Variants in HHIP observed in about 807,000 individuals in gnomAD.
HHIP encodes hedgehog-interacting protein.
A neutral mutation model predicts 74.0 loss-of-function variants in HHIP; 12 were observed. The ratio of observed to expected loss-of-function variants is 0.16; its 90% confidence interval spans 0.10 to 0.26. The LOEUF (loss-of-function observed/expected upper bound fraction) is 0.26, where lower values mean the gene tolerates loss of function less well. HHIP is among the 10% of genes least tolerant of loss of function. The pLI, the probability that HHIP is intolerant of heterozygous loss-of-function variation, is 1.00. For missense variants in HHIP, 788 were observed against 845.0 expected, an observed-to-expected ratio of 0.93 and a Z score of 0.84; for synonymous variants, 309 against 311.6, an observed-to-expected ratio of 0.99 and a Z score of 0.09.
intron 4 of HHIP, among the ~76,000 whole-genome samples, chr4:144,703,430 T>A (rs1246084037): frequency 1.3e-5 from 2 of 152,124 alleles, no homozygotes; most frequent in Non-Finnish European, 1.5e-5. Flanking sequence ...AAGGAGTGTA[T>A]GATTTTGATT....
chr4:144,732,208 G>A (rs1730980214), intron 11 of HHIP, among the ~76,000 whole-genome samples: 1 of 152,182 alleles, frequency 6.6e-6, no homozygotes, highest in Non-Finnish European at 1.5e-5. Context: ...TTAAAAGAGA[G>A]AGGATTGATT....
intron 10 of HHIP, among the ~76,000 whole-genome samples, chr4:144,717,372 G>A (rs1039525446): frequency 6.6e-6 from 1 of 151,954 alleles, no homozygotes; most frequent in Non-Finnish European, 1.5e-5. Flanking sequence ...ACATTGCTTT[G>A]TACTTTCATT....
Position 144,652,725 on chromosome 4 carries a change from G to T in HHIP, c.400G>T (p.Asp134Tyr), listed in dbSNP as rs773363775. 6.2e-7 allele frequency: 1 copy of T among 1,612,942 alleles called. No homozygotes were observed. The highest frequency in any genetic ancestry group is 1.1e-5 in the South Asian group (1 of 90,980). ...HSPEREVLER[D>Y]LVLPLLCKDY... is the part of the protein sequence containing the mutation. ...ACCTGAGAGAGAAGTCTTGGAAAGA[G>T]ACCTAGTACTTCCTCTGCTCTGCAA... The change falls in exon 2 of 13, where the codon GAC (aspartate) becomes TAC (tyrosine). Residue 134 changes from aspartate (D) to tyrosine (Y), a missense_variant. Coordinates refer to ENST00000296575, the MANE Select transcript of HHIP (RefSeq NM_022475.3).
chr4:144,707,334 A>G (rs1730174903), intron 6 of HHIP, 74 bp downstream of exon 6: 1 of 1,274,160 alleles, frequency 7.8e-7, no homozygotes, highest in Non-Finnish European at 1.1e-6. Flanking sequence ...GGTGGGCACC[A>G]GTGAATTAAG....
chr4:144,651,689 T>C (rs373718953), intron 1 of HHIP, among the ~76,000 whole-genome samples: 1 of 152,054 alleles, frequency 6.6e-6, no homozygotes, highest in South Asian at 2.1e-4. Flanking sequence ...ATTGTGTTGA[T>C]ATTGCCTTCT....
intron 1 of HHIP, among the ~76,000 whole-genome samples, chr4:144,647,642 G>T (rs1728304171): frequency 1.3e-5 from 2 of 152,332 alleles, no homozygotes; most frequent in South Asian, 4.1e-4. Flanking sequence ...TCTACTCTAA[G>T]AATTTGTTTT....
At chr4:144,716,789 C>T (rs1252559989) in intron 10 of HHIP, among the ~76,000 whole-genome samples, 1 of 123,700 alleles carries the variant, frequency 8.1e-6, no homozygotes. Context: ...GCGGAGGTTG[C>T]AGTGAGCCAA....
Position 144,741,284 on chromosome 4 carries a change from C to T in HHIP, c.*3327C>T, listed in dbSNP as rs1273898761. On this transcript the variant is annotated 3_prime_UTR_variant, in exon 13 of 13. Coordinates refer to ENST00000296575, the MANE Select transcript of HHIP (RefSeq NM_022475.3). The stretch of plus-strand genomic sequence containing the variant: ...TATTTTCTTTGTCATTTGCATGCCC[C>T]AGAGAAGTTACTTCTTCCCTATTTA... The T allele has an allele frequency of 6.6e-6, 1 of 150,750 alleles. No homozygotes were observed. Among genetic ancestry groups the T allele is most frequent in the Non-Finnish European group, 1.5e-5 (1 of 67,850 alleles). The allele number at this position is 150,750 out of a possible 1,614,324, so 9.3% of individuals were successfully genotyped here. A position where few individuals can be genotyped will look rare whatever the true frequency, so the allele number is the denominator to read the frequency against.
intron 1 of HHIP, among the ~76,000 whole-genome samples, chr4:144,649,097 T>C (rs538237498): frequency 6.6e-6 from 1 of 152,332 alleles, no homozygotes; most frequent in African/African-American, 2.4e-5. Context: ...TTAAAACATG[T>C]TATTTTATAA....
In HHIP at chr4:144,734,839, C is replaced by T. The variant is rs888830494; in HGVS notation, c.1859C>T (p.Thr620Met). The change falls in exon 12 of 13, where the codon ACG (threonine) becomes ATG (methionine). Residue 620 changes from threonine to methionine, a missense_variant. By Grantham distance (81) the Thr-to-Met change is moderately conservative. Transcript: ENST00000296575. ...TGTCGAAACGGCTACTGCACCCCCA[C>T]GGGAAAGTGCTGCTGCAGTCCAGGC... ...RLCRNGYCTP[T>M]GKCCCSPGWE... 4 of 1,613,056 alleles carry T rather than the reference C, an allele frequency of 2.5e-6. No individual in the cohort carries two copies. The highest frequency in any genetic ancestry group is 2.7e-5 in the African/African-American group (2 of 75,018).
chr4:144,662,110 T>C (rs767661281), intron 4 of HHIP, among the ~76,000 whole-genome samples: 9 of 152,232 alleles, frequency 5.9e-5, no homozygotes, highest in Non-Finnish European at 1.3e-4. Context: ...TAAGAGTTTC[T>C]AAAATCTATT....
chr4:144,653,072 A>G (rs1011476816), intron 2 of HHIP, among the ~76,000 whole-genome samples: 3 of 152,090 alleles, frequency 2.0e-5, no homozygotes, highest in Non-Finnish European at 4.4e-5. Flanking sequence ...ACAGGTGGTA[A>G]TCTTTACACA....
chr4:144,707,281 G>C, intron 6 of HHIP, 21 bp downstream of exon 6: 1 of 1,565,128 alleles, frequency 6.4e-7, no homozygotes, highest in Non-Finnish European at 8.6e-7. Context: ...GATCACAGAT[G>C]GGTTCCTCTC....
intron 4 of HHIP, among the ~76,000 whole-genome samples, chr4:144,694,706 GA>G (rs1207130189): frequency 4.0e-5 from 6 of 150,010 alleles, no homozygotes; most frequent in Admixed American, 1.3e-4. Flanking sequence ...CCTGACAGGA[GA>G]AAAAAAAATT....
intron 4 of HHIP, among the ~76,000 whole-genome samples, chr4:144,690,179 G>A (rs1729607044): frequency 6.6e-6 from 1 of 152,130 alleles, no homozygotes; most frequent in African/African-American, 2.4e-5. Flanking sequence ...TGAAATTGAG[G>A]TATAGGTCTT....
Position 144,738,240 on chromosome 4 carries a change from T to C in HHIP, c.*283T>C, listed in dbSNP as rs780188142. On this transcript the variant is annotated 3_prime_UTR_variant, in exon 13 of 13. Transcript: ENST00000296575. Reference sequence around the variant, plus strand: ...CAAAGTAATTTACACAGAAATTCCATTGTAAATTGATAATGGATTTTTTAT... The same window carrying C: ...CAAAGTAATTTACACAGAAATTCCACTGTAAATTGATAATGGATTTTTTAT... 1.4e-5 allele frequency: 14 copies of C among 1,015,464 alleles called. 1 individual carries two copies. Among genetic ancestry groups the C allele is most frequent in the South Asian group, 4.6e-5 (1 of 21,636 alleles). 62.9% of individuals were successfully genotyped at this position (1,015,464 alleles called of 1,614,324 possible).
chr4:144,662,058 G>A (rs556862620), intron 4 of HHIP, among the ~76,000 whole-genome samples: 1 of 152,262 alleles, frequency 6.6e-6, no homozygotes, highest in South Asian at 2.1e-4. Flanking sequence ...TGATGACTAA[G>A]AGGAATATGT....
chr4:144,694,312 C>T (rs772662509), intron 4 of HHIP, among the ~76,000 whole-genome samples: 60 of 150,866 alleles, frequency 4.0e-4, no homozygotes, highest in Middle Eastern at 6.9e-3. Flanking sequence ...ATTAGTGTTC[C>T]TTGGTGGTCT....
intron 4 of HHIP, among the ~76,000 whole-genome samples, chr4:144,690,883 C>T (rs979743463): frequency 6.6e-5 from 10 of 151,990 alleles, no homozygotes; most frequent in African/African-American, 2.4e-4. Context: ...TTCATGCTGT[C>T]CATGATTTTT....
Sources: gnomAD v4.1 joint callset for allele counts (sites outside exome capture counted in the v4.1 genomes callset) on GRCh38, gnomAD v4.1.1 for gene constraint, MANE v1.5 for transcripts, NCBI Gene and HGNC (gene_info 2026-07-23, HGNC 2026-07-21) for gene names.